The following GPR83 variants were observed in gnomAD, a reference collection of about 807,000 sequenced individuals.
GPR83 encodes G protein-coupled receptor 83.
A neutral mutation model predicts 28.0 loss-of-function variants in GPR83; 23 were observed. The ratio of observed to expected loss-of-function variants is 0.82; its 90% CI spans 0.59 to 1.16. GPR83 has a LOEUF of 1.16. Ranked by LOEUF, GPR83 falls within the 50% of genes most tolerant of loss-of-function variation. The pLI, the probability that GPR83 is intolerant of heterozygous loss-of-function variation, is 0.00. For synonymous variants in GPR83, 234 were observed against 215.4 expected, an observed-to-expected ratio of 1.09 and a Z score of -0.76; for missense variants, 610 against 536.6, an observed-to-expected ratio of 1.14 and a Z score of -1.35.
rs1056018740 is a variant in GPR83 at position 94,398,784 on chromosome 11, G to A, written c.387+2077C>T. On this transcript the variant is annotated intron_variant, in intron 1 of 3. Transcript: ENST00000243673. Reference sequence around the variant, plus strand: ...TGCCTTTCCCGATGGGGGAGCCTGTGCTGAGTAAGGCCAAGGGGTTGGAAG... The same window carrying A: ...TGCCTTTCCCGATGGGGGAGCCTGTACTGAGTAAGGCCAAGGGGTTGGAAG... 8.5e-5 allele frequency among the ~76,000 whole-genome samples: 13 copies of A among 152,304 alleles called. No individual in the cohort carries two copies. In the South Asian group the frequency reaches 2.3e-3, roughly 27 times the overall value.
At chr11:94,399,955 G>C (rs1464098225) in intron 1 of GPR83, among the ~76,000 whole-genome samples, 3 of 152,152 alleles carry the variant, frequency 2.0e-5, no homozygotes, top group East Asian at 1.9e-4. Flanking sequence ...AATGCCCCCA[G>C]CCTGCCCGAT....
intron 3 of GPR83, 62 bp from the exon 4 acceptor site, chr11:94,380,835 GC>G: frequency 6.9e-7 from 1 of 1,455,378 alleles, no homozygotes; most frequent in Non-Finnish European, 9.3e-7. Flanking sequence ...GTGTGGAAAG[GC>G]TTCATCCCAA....
At chr11:94,400,063 A>G (rs1591609965) in intron 1 of GPR83, among the ~76,000 whole-genome samples, 1 of 152,228 alleles carries the variant, frequency 6.6e-6, no homozygotes, top group African/African-American at 2.4e-5. Flanking sequence ...CACTTTAAAT[A>G]AGTGGTCTGG....
Sources: gnomAD v4.1 joint callset for allele counts (sites outside exome capture counted in the v4.1 genomes callset) on GRCh38, gnomAD v4.1.1 for gene constraint, MANE v1.5 for transcripts, NCBI Gene and HGNC (gene_info 2026-07-23, HGNC 2026-07-21) for gene names.